The following ANKRD17 variants were observed in gnomAD, a reference collection of about 807,000 sequenced individuals.
ANKRD17 encodes ankyrin repeat domain 17, also known as ankyrin repeat domain-containing protein 17.
Under a neutral mutation model 229.7 loss-of-function variants are expected in ANKRD17, and 19 were observed. The observed-to-expected ratio is 0.08, with a 90% CI of 0.06 to 0.12. ANKRD17 has a LOEUF of 0.12. Among genes scored for constraint, ANKRD17 ranks in the 10% least tolerant of loss-of-function variants. ANKRD17 has a pLI of 1.00. For synonymous variants in ANKRD17, 1,112 were observed against 1,146.1 expected (o/e 0.97, Z 0.60); for missense variants, 2,176 against 3,176.8 (o/e 0.68, Z 7.57).
chr4:73,088,503 C>G (rs969650160), intron 29 of ANKRD17, among the ~76,000 whole-genome samples: 2 of 152,050 alleles, frequency 1.3e-5, no homozygotes, highest in Non-Finnish European at 2.9e-5. Context: ...TTAATTTTAG[C>G]CTTTCTGAAT....
At chr4:73,147,137 C>T (rs1343788293) in intron 9 of ANKRD17, 104 bp downstream of exon 9, 1 of 1,130,686 alleles carries the variant, frequency 8.8e-7, no homozygotes, top group Admixed American at 2.6e-5. Flanking sequence ...TTTTTTTAAA[C>T]TCACACATTC....
At chr4:73,124,801 T>C (rs974676919) in intron 18 of ANKRD17, 112 bp downstream of exon 18, 2 of 1,307,480 alleles carry the variant, frequency 1.5e-6, no homozygotes, top group African/African-American at 3.0e-5. Flanking sequence ...TTTCAGTTAT[T>C]GTGAGAAATC....
intron 16 of ANKRD17, among the ~76,000 whole-genome samples, chr4:73,131,267 T>G (rs1728166649): frequency 6.6e-6 from 1 of 152,182 alleles, no homozygotes; most frequent in Non-Finnish European, 1.5e-5. Context: ...AAGCCCCTTA[T>G]GAAGAATGCA....
chr4:73,125,291 C>T lies in ANKRD17; in HGVS notation c.3256G>A (p.Ala1086Thr). The T allele has an allele frequency of 1.2e-6, 2 of 1,611,516 alleles. No homozygotes were observed. The highest frequency in any genetic ancestry group is 1.1e-5 in the South Asian group (1 of 90,860). The change falls in exon 17 of 34, where the codon GCA becomes ACA. Residue 1086 changes from alanine (A) to threonine (T), a missense_variant. By Grantham distance (58) the Ala-to-Thr change is moderately conservative. Transcript: ENST00000358602. Reference sequence around the variant, plus strand: ...CCACCAGCACAGGCAAGTGTTAGTGCCGTGTCATGATTACTCTCAGTCTAT... The same window carrying T: ...CCACCAGCACAGGCAAGTGTTAGTGTCGTGTCATGATTACTCTCAGTCTAT... ...DAQTESNHDT[A>T]LTLACAGGHE...
intron 5 of ANKRD17, among the ~76,000 whole-genome samples, chr4:73,154,358 A>T (rs1404721560): frequency 6.6e-6 from 1 of 152,120 alleles, no homozygotes; most frequent in African/African-American, 2.4e-5. Flanking sequence ...GTGGAAAATC[A>T]TATACACTTA....
chr4:73,174,980 T>C (rs544653170), intron 2 of ANKRD17, among the ~76,000 whole-genome samples: 1 of 152,304 alleles, frequency 6.6e-6, no homozygotes, highest in East Asian at 1.9e-4. Flanking sequence ...ATCAATACTG[T>C]TAAAATGTAC....
intron 1 of ANKRD17, among the ~76,000 whole-genome samples, chr4:73,234,537 G>A (rs1006160498): frequency 1.3e-5 from 2 of 152,018 alleles, no homozygotes; most frequent in African/African-American, 4.8e-5. Flanking sequence ...AGGTTATTTG[G>A]GTTTGTTTTC....
In ANKRD17 at chr4:73,113,108, T is replaced by C. The variant is rs188611159; in HGVS notation, c.4401+684A>G. The C allele has an allele frequency of 3.4e-6, 4 of 1,190,060 alleles. No individual in the cohort carries two copies. In the African/African-American group the frequency reaches 4.8e-5, roughly 14 times the overall value. The allele number at this position is 1,190,060 out of a possible 1,614,324, so 73.7% of individuals were successfully genotyped here. A position where few individuals can be genotyped will look rare whatever the true frequency, so the allele number is the denominator to read the frequency against. On this transcript the variant is annotated intron_variant, in intron 24 of 33. Transcript: ENST00000358602. Reference sequence around the variant, plus strand: ...CAGCCACTGACCTTTTTATAAAAGATGAGATATGGCAGTTCCATAATATTC... The same window carrying C: ...CAGCCACTGACCTTTTTATAAAAGACGAGATATGGCAGTTCCATAATATTC...
intron 1 of ANKRD17, among the ~76,000 whole-genome samples, chr4:73,182,988 C>A (rs555217175): frequency 2.6e-5 from 4 of 152,014 alleles, no homozygotes; most frequent in South Asian, 2.1e-4. Context: ...ACAACAACAA[C>A]AAAAATCATG....
chr4:73,106,429 T>C (rs913596440), intron 24 of ANKRD17, among the ~76,000 whole-genome samples: 1 of 152,012 alleles, frequency 6.6e-6, no homozygotes, highest in Non-Finnish European at 1.5e-5. Flanking sequence ...TTTAGATATA[T>C]GAAAGTGAAT....
At chr4:73,153,780 C>T (rs897088283) in intron 6 of ANKRD17, 100 bp downstream of exon 6, 4 of 835,560 alleles carry the variant, frequency 4.8e-6, no homozygotes, top group Non-Finnish European at 6.9e-6. Flanking sequence ...ATACTATATA[C>T]TATCATTGTT....
At position 73,085,270 on chromosome 4, in the gene ANKRD17, G is replaced by C; in HGVS notation, c.7138C>G (p.Pro2380Ala). ...QHFSPLSLLT[P>A]CSSASNDSSA... ...TCACCATTTGATGCTGATGAACACGGAGTCAACAAACTAAGCGGGGAAAAA... is the reference window on the plus strand; with the variant it reads ...TCACCATTTGATGCTGATGAACACGCAGTCAACAAACTAAGCGGGGAAAAA... The change falls in exon 30 of 34, where the codon CCG becomes GCG. Residue 2380 changes from proline (P) to alanine (A), a missense_variant. Pro to Ala is a conservative substitution (Grantham distance 27, BLOSUM62 -1). Around this residue, in one of 18 missense-constraint regions of ANKRD17, gnomAD observed 87 missense variants for 116.0 expected, o/e 0.75. Coordinates refer to ENST00000358602, the MANE Select transcript of ANKRD17 (RefSeq NM_032217.5). The C allele has an allele frequency of 1.2e-6, 2 of 1,614,084 alleles. No homozygotes were observed. The highest frequency in any genetic ancestry group is 1.7e-6 in the Non-Finnish European group (2 of 1,180,008).
intron 1 of ANKRD17, among the ~76,000 whole-genome samples, chr4:73,188,705 C>T (rs561680564): frequency 6.6e-6 from 1 of 151,976 alleles, no homozygotes; most frequent in Non-Finnish European, 1.5e-5. Flanking sequence ...AATGCATCAA[C>T]ATAATTTATA....
chr4:73,147,284 A>T lies in ANKRD17; in HGVS notation c.1716T>A (p.Ala572=). The change falls in exon 9 of 34, where the codon GCT becomes GCA. Residue 572 remains alanine (A), a synonymous_variant. Transcript: ENST00000358602. ...TAACTAACTCCAAATGACCCTCTTG[A>T]GCAGCTTCCATTAAAGGGGTAGAAC... ...LGCSTPLMEA[A]QEGHLELVKY... is the part of the protein sequence containing the mutation. 6.3e-7 allele frequency: 1 copy of T among 1,599,752 alleles called. No homozygotes were observed. The highest frequency in any genetic ancestry group is 8.5e-7 in the Non-Finnish European group (1 of 1,174,268).
chr4:73,145,291 A>G (rs1213739604), intron 10 of ANKRD17, among the ~76,000 whole-genome samples: 1 of 152,140 alleles, frequency 6.6e-6, no homozygotes, highest in African/African-American at 2.4e-5. Context: ...TTTAGTAAGT[A>G]CATCATTACC....
intron 1 of ANKRD17, among the ~76,000 whole-genome samples, chr4:73,207,608 G>T (rs545287741): frequency 1.2e-4 from 18 of 152,272 alleles, no homozygotes; most frequent in African/African-American, 4.3e-4. Flanking sequence ...TCATAGAAAT[G>T]CTGGTAGAGC....
rs776280032 is a variant in ANKRD17 at position 73,153,955 on chromosome 4, G to C, written c.1159C>G (p.Leu387Val). 1 of 1,612,918 alleles carries C rather than the reference G, an allele frequency of 6.2e-7. No individual in the cohort carries two copies. The highest frequency in any genetic ancestry group is 1.1e-5 in the South Asian group (1 of 90,900). Residue 387 changes from leucine (L) to valine (V), a missense_variant, in exon 6 of 34, where the codon CTA becomes GTA. Physicochemically the swap from Leu to Val is conservative, Grantham distance 32. Coordinates refer to ENST00000358602, the MANE Select transcript of ANKRD17 (RefSeq NM_032217.5). ...AGHVEVARLL[L>V]ENGAGINTHS... Reference sequence around the variant, plus strand: ...GTATTAATGCCAGCCCCATTTTCTAGCAGCAATCTGGCTACTTCCACATGT... The same window carrying C: ...GTATTAATGCCAGCCCCATTTTCTACCAGCAATCTGGCTACTTCCACATGT...
At chr4:73,148,166 T>C (rs1578191843) in intron 8 of ANKRD17, among the ~76,000 whole-genome samples, 1 of 152,324 alleles carries the variant, frequency 6.6e-6, no homozygotes, top group East Asian at 1.9e-4. Flanking sequence ...ACATTACTTC[T>C]AAATAAAAAC....
At chr4:73,210,565 A>G (rs1377173450) in intron 1 of ANKRD17, among the ~76,000 whole-genome samples, 3 of 152,204 alleles carry the variant, frequency 2.0e-5, no homozygotes, top group Admixed American at 6.5e-5. Flanking sequence ...TTTGCCCTAG[A>G]TGTTCTAAAT....
Sources: gnomAD v4.1 joint callset for allele counts (sites outside exome capture counted in the v4.1 genomes callset) on GRCh38, gnomAD v4.1.1 for gene constraint, gnomAD v4.1.1 regional missense constraint, MANE v1.5 for transcripts, NCBI Gene and HGNC (gene_info 2026-07-23, HGNC 2026-07-21) for gene names.